Variants in PCDHA7 observed in about 807,000 individuals in gnomAD.
PCDHA7 encodes the protein protocadherin alpha-7.
PCDHA7 carries 37 observed loss-of-function variants against 57.2 expected under a neutral mutation model. The ratio of observed to expected loss-of-function variants is 0.65; its 90% CI spans 0.50 to 0.85. The LOEUF is 0.85. PCDHA7 is among the 40% of genes least tolerant of loss of function. The pLI is 0.00. For missense variants in PCDHA7, 1,188 were observed against 1,241.8 expected (o/e 0.96, Z 0.65); for synonymous variants, 553 against 558.8 (o/e 0.99, Z 0.15).
intron 1 of PCDHA7, chr5:140,883,399 T>C (rs143292342): frequency 3.1e-5 from 50 of 1,614,100 alleles, no homozygotes; most frequent in Non-Finnish European, 4.1e-5. Flanking sequence ...TGTCCGATCG[T>C]GACTCTGGCT....
At chr5:140,923,495 C>T (rs1274980788) in intron 1 of PCDHA7, among the ~76,000 whole-genome samples, 2 of 152,060 alleles carry the variant, frequency 1.3e-5, no homozygotes, top group African/African-American at 4.8e-5. Context: ...CACCACTGCA[C>T]TCCAGCCTGG....
rs1374109552 is a variant in PCDHA7 at position 141,010,068 on chromosome 5, T to C, written c.*131T>C. On this transcript the variant is annotated 3_prime_UTR_variant, in exon 4 of 4. Transcript: ENST00000525929. ...AGAGACCTCAGAAATCTGCAGAAAGTTCCCTGTGTCTGTCTAGAACGCATT... is the reference window on the plus strand; with the variant it reads ...AGAGACCTCAGAAATCTGCAGAAAGCTCCCTGTGTCTGTCTAGAACGCATT... 4 of 1,604,732 alleles carry C rather than the reference T, an allele frequency of 2.5e-6. No homozygotes were observed. Among genetic ancestry groups the C allele is most frequent in the Non-Finnish European group, 3.4e-6 (4 of 1,175,400 alleles).
chr5:140,967,100 G>A, intron 1 of PCDHA7: 1 of 1,613,092 alleles, frequency 6.2e-7, no homozygotes, highest in Non-Finnish European at 8.5e-7. Context: ...GGCGCTGTGT[G>A]AGCAGCGGCC....
At chr5:140,875,995 A>AATGAGAATTTTG (rs1554168162) in intron 1 of PCDHA7, 7 of 1,613,958 alleles carry the variant, frequency 4.3e-6, no homozygotes, top group Non-Finnish European at 5.9e-6. Context: ...GTTAAGTCTA[A>AATGAGAATTTTG]ATGAGAATTT....
intron 1 of PCDHA7, chr5:140,849,371 G>C: frequency 6.7e-7 from 1 of 1,495,460 alleles, no homozygotes. Flanking sequence ...TAAAATCCAA[G>C]TTCCACATGG....
At chr5:140,960,508 A>C (rs1026528724) in intron 1 of PCDHA7, among the ~76,000 whole-genome samples, 10 of 152,190 alleles carry the variant, frequency 6.6e-5, no homozygotes, top group Non-Finnish European at 1.3e-4. Context: ...TCCAAGCAGC[A>C]AACATAATGG....
At chr5:140,841,887 A>G (rs2150324801) in intron 1 of PCDHA7, 3 of 1,613,824 alleles carry the variant, frequency 1.9e-6, no homozygotes, top group Non-Finnish European at 2.5e-6. Context: ...AACGATGAGA[A>G]TAAACTGGTT....
intron 1 of PCDHA7, among the ~76,000 whole-genome samples, chr5:140,925,576 A>G (rs1157907719): frequency 2.0e-5 from 3 of 151,872 alleles, no homozygotes; most frequent in African/African-American, 7.3e-5. Flanking sequence ...CAGCACACCA[A>G]CATGGCGCAT....
chr5:140,928,033 A>G, intron 1 of PCDHA7: 1 of 1,614,198 alleles, frequency 6.2e-7, no homozygotes, highest in Non-Finnish European at 8.5e-7. Context: ...TGGCATGTCT[A>G]GTGCAGGCCC....
rs192756440 is a variant in PCDHA7, at chr5:140,876,883, G to C, written c.2355+40145G>C. On this transcript the variant is annotated intron_variant, in intron 1 of 3. Coordinates refer to ENST00000525929, the MANE Select transcript of PCDHA7 (RefSeq NM_018910.3). Reference sequence around the variant, plus strand: ...GTTCGTGAAGGAGAACAACCCGCCGGGCTGCCACATCTTCACGGTGTCGGC... The same window carrying C: ...GTTCGTGAAGGAGAACAACCCGCCGCGCTGCCACATCTTCACGGTGTCGGC... The C allele has an allele frequency of 2.2e-3, 3,631 of 1,614,132 alleles. 14 individuals are homozygous for C. Among genetic ancestry groups the C allele is most frequent in the Middle Eastern group, 9.1e-3 (55 of 6,048 alleles).
rs2150486474 is a variant in PCDHA7, at chr5:140,850,498, C to T, written c.2355+13760C>T. On this transcript the variant is annotated intron_variant, in intron 1 of 3. Coordinates refer to ENST00000525929, the MANE Select transcript of PCDHA7 (RefSeq NM_018910.3). ...ACGGCCACGGCCACTGTGCTGGTGTCGCTGGTGGAGAGCGGCCAGGCGCCA... is the reference window on the plus strand; with the variant it reads ...ACGGCCACGGCCACTGTGCTGGTGTTGCTGGTGGAGAGCGGCCAGGCGCCA... 30 of 1,598,138 alleles carry T rather than the reference C, an allele frequency of 1.9e-5. 3 individuals are homozygous for T. Among genetic ancestry groups the T allele is most frequent in the Non-Finnish European group, 2.6e-5 (30 of 1,167,764 alleles).
intron 1 of PCDHA7, chr5:140,967,558 C>G (rs1554229674): frequency 6.2e-7 from 1 of 1,614,050 alleles, no homozygotes; most frequent in South Asian, 1.1e-5. Flanking sequence ...CTTATCGCGT[C>G]CAGCTACGGG....
At chr5:140,849,015 C>T (rs2040740928) in intron 1 of PCDHA7, 1 of 1,588,546 alleles carries the variant, frequency 6.3e-7, no homozygotes, top group Admixed American at 1.7e-5. Flanking sequence ...CAGACTGAGC[C>T]CCAATGAGTA....
In PCDHA7 at chr5:140,848,769, C is replaced by A. The variant is rs2150419947; in HGVS notation, c.2355+12031C>A. On this transcript the variant is annotated intron_variant, in intron 1 of 3. Coordinates refer to ENST00000525929, the MANE Select transcript of PCDHA7 (RefSeq NM_018910.3). ...TTTGTTTGTGAATTCTCGGATCGAC[C>A]GCGAGGAGCTGTGCGGGCGGAGCGC... 9.6e-5 allele frequency: 153 copies of A among 1,593,410 alleles called. 12 individuals are homozygous for A. The Admixed American group carries it at 1.9e-3, about 20-fold the overall frequency.
chr5:140,981,033 GA>G (rs148859655), intron 2 of PCDHA7, among the ~76,000 whole-genome samples: 2 of 151,612 alleles, frequency 1.3e-5, no homozygotes, highest in Admixed American at 6.6e-5. Flanking sequence ...AATATTTGGG[GA>G]AAAAAAACAG....
In PCDHA7 at chr5:140,836,263, A is replaced by G; in HGVS notation, c.1880A>G (p.Tyr627Cys). The change falls in exon 1 of 4, where the codon TAC becomes TGC. Residue 627 changes from tyrosine to cysteine, a missense_variant. This residue lies in a region of PCDHA7 where 892 missense variants were observed against 788.5 expected (regional missense o/e 1.13). Transcript: ENST00000525929. ...GASIPFRVGL[Y>C]TGEISTTRAL... ...AGCATCCCGTTCCGCGTGGGGCTGT[A>G]CACTGGTGAGATCAGCACGACACGA... 6.2e-7 allele frequency: 1 copy of G among 1,613,768 alleles called. No homozygotes were observed. The highest frequency in any genetic ancestry group is 8.5e-7 in the Non-Finnish European group (1 of 1,179,806).
At chr5:140,838,694 G>A (rs765335937) in intron 1 of PCDHA7, among the ~76,000 whole-genome samples, 2 of 151,960 alleles carry the variant, frequency 1.3e-5, no homozygotes, top group African/African-American at 4.8e-5. Context: ...CCAACATTTC[G>A]GGAGGCCGAG....
At chr5:140,955,797 T>C (rs1374924586) in intron 1 of PCDHA7, among the ~76,000 whole-genome samples, 3 of 152,212 alleles carry the variant, frequency 2.0e-5, no homozygotes, top group Non-Finnish European at 4.4e-5. Flanking sequence ...TGTTTTTCTA[T>C]TTGTTTGTGT....
intron 1 of PCDHA7, chr5:140,930,195 G>A (rs1427541259): frequency 6.6e-6 from 1 of 152,140 alleles, no homozygotes; most frequent in East Asian, 1.9e-4. Context: ...TAATTTTTAT[G>A]TCAGAAATAT....
Sources: gnomAD v4.1 joint callset for allele counts (sites outside exome capture counted in the v4.1 genomes callset) on GRCh38, gnomAD v4.1.1 for gene constraint, gnomAD v4.1.1 regional missense constraint, MANE v1.5 for transcripts, NCBI Gene and HGNC (gene_info 2026-07-23, HGNC 2026-07-21) for gene names.